CFAP47: variants seen among roughly 807,000 people sequenced by gnomAD.
CFAP47 encodes the protein cilia and flagella associated protein 47.
Under a neutral mutation model 148.1 loss-of-function variants are expected in CFAP47, and 29 were observed. The observed-to-expected ratio is 0.20, with a 90% CI of 0.15 to 0.27. The LOEUF (loss-of-function observed/expected upper bound fraction) is 0.27. CFAP47 is among the 10% of genes least tolerant of loss of function. CFAP47 has a pLI of 1.00. For missense variants in CFAP47, 1,872 were observed against 1,697.5 expected (o/e 1.10, Z -1.81); for synonymous variants, 664 against 577.3 (o/e 1.15, Z -2.15).
intron 33 of CFAP47, among the ~76,000 whole-genome samples, chrX:36,118,934 G>A (rs190036673): frequency 8.9e-5 from 10 of 112,273 alleles, no homozygotes; most frequent in African/African-American, 3.2e-4. Context: ...TAGTCTGCAA[G>A]TTTACTGAAT....
At chrX:36,371,739 T>C (rs1329595727) in intron 62 of CFAP47, among the ~76,000 whole-genome samples, 3 of 58,732 alleles carry the variant, frequency 5.1e-5, no homozygotes, top group African/African-American at 7.1e-5. Flanking sequence ...TGTGTGTATA[T>C]ATGTGTGTAT....
At chrX:36,292,644 C>G (rs1941204533) in intron 51 of CFAP47, among the ~76,000 whole-genome samples, 1 of 111,400 alleles carries the variant, frequency 9.0e-6, no homozygotes, top group African/African-American at 3.3e-5. Flanking sequence ...TTTATTCTGA[C>G]CAAGCAGGAA....
intron 33 of CFAP47, among the ~76,000 whole-genome samples, chrX:36,124,252 T>G (rs1459356792): frequency 2.7e-5 from 3 of 111,203 alleles, no homozygotes; most frequent in African/African-American, 9.8e-5. Flanking sequence ...CAGCATGGGG[T>G]TAGGGAAGAG....
Position 36,085,218 on chromosome X carries a change from TAG to T in CFAP47, c.4692-93_4692-92del, listed in dbSNP as rs765185741. 42 of 516,477 alleles carry T rather than the reference TAG, an allele frequency of 8.1e-5. No individual in the cohort carries two copies. In the African/African-American group the frequency reaches 9.3e-4, roughly 11 times the overall value. The allele number at this position is 516,477 out of a possible 1,213,427, so 42.6% of individuals were successfully genotyped here. A position where few individuals can be genotyped will look rare whatever the true frequency, so the allele number is the denominator to read the frequency against. ...GAGTTTCTTACTTAGTTGATTTTAA[TAG>T]AGTTTCATTTAGTCATTGAATTGAA... On this transcript the variant is annotated intron_variant, in intron 29 of 63. Transcript: ENST00000378653.
rs762887345 is a variant in CFAP47, at chrX:36,100,816, T to C, written c.5127+937T>C. 2.0e-4 allele frequency among the ~76,000 whole-genome samples: 22 copies of C among 112,039 alleles called. No individual in the cohort carries two copies. In the South Asian group the frequency reaches 7.8e-3, roughly 40 times the overall value. On this transcript the variant is annotated intron_variant, in intron 32 of 63. Transcript: ENST00000378653. ...ATCATCAATTTAGCAATGAAGAAAC[T>C]GAGTGTCACAGGCGCACATTCTTTC...
At chrX:36,144,858 C>T (rs1041408329) in intron 35 of CFAP47, 7 of 997,601 alleles carry the variant, frequency 7.0e-6, no homozygotes, top group Non-Finnish European at 9.1e-6. Context: ...CAGCAGCCTC[C>T]TTTGGGCTTT....
chrX:36,364,944 A>G (rs1455628301), intron 61 of CFAP47, among the ~76,000 whole-genome samples: 4 of 85,255 alleles, frequency 4.7e-5, no homozygotes, highest in Non-Finnish European at 9.1e-5. Context: ...ATATATATAT[A>G]CACACACACA....
intron 42 of CFAP47, among the ~76,000 whole-genome samples, chrX:36,191,272 T>C (rs2146875870): frequency 8.9e-6 from 1 of 111,765 alleles, no homozygotes; most frequent in East Asian, 2.8e-4. Context: ...TAATTTGTAA[T>C]ATGACCCAAC....
chrX:36,330,855 T>C (rs782355248), intron 57 of CFAP47, among the ~76,000 whole-genome samples: 13 of 112,005 alleles, frequency 1.2e-4, no homozygotes, highest in Admixed American at 2.8e-4. Flanking sequence ...CTTTTCTAAT[T>C]TTTCAATGAT....
In CFAP47 at chrX:36,138,065, GT is replaced by G. The variant is rs777342248; in HGVS notation, c.5418+15del. 6.9e-6 allele frequency: 5 copies of G among 723,856 alleles called. No individual in the cohort carries two copies. The African/African-American group carries it at 1.1e-4, about 16-fold the overall frequency. The allele number at this position is 723,856 out of a possible 1,213,427, so 59.7% of individuals were successfully genotyped here. A position where few individuals can be genotyped will look rare whatever the true frequency, so the allele number is the denominator to read the frequency against. On this transcript the variant is annotated intron_variant, in intron 34 of 63. Transcript: ENST00000378653. ...CTATTGCCCATTCTTGGTAAGAGTC[GT>G]TTTTATGCATAATGATCTTCTATTA...
chrX:36,259,841 C>A (rs1301699110), intron 49 of CFAP47, among the ~76,000 whole-genome samples: 1 of 111,243 alleles, frequency 9.0e-6, no homozygotes, highest in Non-Finnish European at 1.9e-5. Flanking sequence ...TGATAAGTTG[C>A]CTTCCAACCA....
intron 43 of CFAP47, 112 bp downstream of exon 43, chrX:36,200,605 G>A (rs782070243): frequency 2.8e-5 from 8 of 282,529 alleles, no homozygotes; most frequent in African/African-American, 8.3e-5. Flanking sequence ...TTTAGATTTC[G>A]AAAGGGCTTC....
chrX:36,145,161 C>G (rs1436740128), intron 35 of CFAP47, 58 bp from the exon 36 acceptor site: 1 of 286,062 alleles, frequency 3.5e-6, no homozygotes, highest in African/African-American at 2.8e-5. Flanking sequence ...GGTTCTCTAC[C>G]TATGTAGAAC....
In CFAP47 at chrX:36,039,078, A is replaced by G. The variant is rs1937371027; in HGVS notation, c.3906A>G (p.Ser1302=). The change falls in exon 25 of 64, where the codon TCA becomes TCG. Residue 1302 remains serine (S), a synonymous_variant. Transcript: ENST00000378653. ...KILHLTGEVK[S]PELLFDPPFI... is the part of the protein sequence containing the mutation. ...TACATCTTACTGGGGAAGTAAAATC[A>G]CCAGAGTTATTGTTTGACCCTCCAT... 2 of 1,111,850 alleles carry G rather than the reference A, an allele frequency of 1.8e-6. No individual in the cohort carries two copies. Among genetic ancestry groups the G allele is most frequent in the African/African-American group, 1.8e-5 (1 of 54,578 alleles). 91.6% of individuals were successfully genotyped at this position (1,111,850 alleles called of 1,213,427 possible).
chrX:36,334,260 A>G (rs1941586690), intron 57 of CFAP47, among the ~76,000 whole-genome samples: 1 of 110,881 alleles, frequency 9.0e-6, no homozygotes, highest in African/African-American at 3.3e-5. Flanking sequence ...AGCTTCCACA[A>G]TCTCAATGAA....
At chrX:36,257,165 A>G (rs1425500876) in intron 49 of CFAP47, among the ~76,000 whole-genome samples, 1 of 111,920 alleles carries the variant, frequency 8.9e-6, no homozygotes, top group Non-Finnish European at 1.9e-5. Flanking sequence ...ACAGTCATCA[A>G]TGATGTTTTA....
intron 50 of CFAP47, among the ~76,000 whole-genome samples, chrX:36,285,412 T>A (rs782485271): frequency 1.3e-4 from 15 of 111,944 alleles, no homozygotes; most frequent in African/African-American, 4.8e-4. Flanking sequence ...GGCCAGGAAC[T>A]TGTACAGGAC....
intron 3 of CFAP47, among the ~76,000 whole-genome samples, chrX:35,942,717 T>G (rs1936028080): frequency 8.9e-6 from 1 of 111,868 alleles, no homozygotes; most frequent in South Asian, 3.6e-4. Context: ...TTTTACAGTT[T>G]CATTTCATAT....
chrX:35,953,284 C>T (rs1169850968), intron 6 of CFAP47, among the ~76,000 whole-genome samples: 1 of 111,782 alleles, frequency 8.9e-6, no homozygotes, highest in Non-Finnish European at 1.9e-5. Flanking sequence ...TGAATTTTGT[C>T]TGGAAGAAAA....
Sources: gnomAD v4.1 joint callset for allele counts (sites outside exome capture counted in the v4.1 genomes callset) on GRCh38, gnomAD v4.1.1 for gene constraint, MANE v1.5 for transcripts, NCBI Gene and HGNC (gene_info 2026-07-23, HGNC 2026-07-21) for gene names.